Variants in PTPRM observed in about 807,000 individuals in gnomAD.
PTPRM encodes receptor-type tyrosine-protein phosphatase mu.
PTPRM carries 47 observed loss-of-function variants against 186.7 expected under a neutral mutation model. The observed-to-expected ratio is 0.25, with a 90% confidence interval of 0.20 to 0.32. PTPRM has a LOEUF of 0.32. PTPRM is among the 10% of genes least tolerant of loss of function. The pLI is 1.00. For missense variants in PTPRM, 1,494 were observed against 1,865.0 expected (o/e 0.80, Z 3.66); for synonymous variants, 668 against 674.9 (o/e 0.99, Z 0.16).
intron 2 of PTPRM, among the ~76,000 whole-genome samples, chr18:7,862,692 C>T (rs2047454532): frequency 6.6e-6 from 1 of 152,178 alleles, no homozygotes; most frequent in Admixed American, 6.5e-5. Context: ...GTGAATGGTG[C>T]TCCTATGATA....
intron 23 of PTPRM, among the ~76,000 whole-genome samples, chr18:8,345,820 C>T (rs911212282): frequency 1.3e-5 from 2 of 151,938 alleles, no homozygotes; most frequent in African/African-American, 4.8e-5. Context: ...AGGTGCCACA[C>T]ATAGATAGGA....
At position 8,406,269 on chromosome 18, in the gene PTPRM, T is replaced by G; in HGVS notation, c.*107T>G. On this transcript the variant is annotated 3_prime_UTR_variant, in exon 33 of 33. Coordinates refer to ENST00000580170, the MANE Select transcript of PTPRM (RefSeq NM_001105244.2). The stretch of plus-strand genomic sequence containing the variant: ...ACTTCTCAATATGCTTATTTTGCTT[T>G]GCATAATTGGCTCTTTTTAAGAGCC... The G allele has an allele frequency of 9.0e-7, 1 of 1,108,302 alleles. No homozygotes were observed. 68.7% of individuals were successfully genotyped at this position (1,108,302 alleles called of 1,614,324 possible).
chr18:8,041,890 T>A (rs2086717356), intron 7 of PTPRM, among the ~76,000 whole-genome samples: 1 of 152,236 alleles, frequency 6.6e-6, no homozygotes, highest in African/African-American at 2.4e-5. Flanking sequence ...TAGAACTCTC[T>A]AGAATTAGCT....
intron 7 of PTPRM, among the ~76,000 whole-genome samples, chr18:7,963,871 G>A (rs1170075582): frequency 2.6e-5 from 4 of 152,196 alleles, no homozygotes; most frequent in African/African-American, 9.7e-5. Flanking sequence ...CTGAGCACCA[G>A]CTACAGCTGT....
chr18:7,800,817 G>A (rs1265395058), intron 2 of PTPRM, among the ~76,000 whole-genome samples: 3 of 152,224 alleles, frequency 2.0e-5, no homozygotes, highest in African/African-American at 7.2e-5. Context: ...ATTGCTCCTG[G>A]GTTACAAACC....
rs575923827 is a variant in PTPRM at position 7,682,839 on chromosome 18, G to T, written c.74-91310G>T. Among the ~76,000 whole-genome samples the T allele has an allele frequency of 3.4e-4, 52 of 152,200 alleles. 2 individuals are homozygous for T. The Middle Eastern group carries it at 0.014, about 40-fold the overall frequency. On this transcript the variant is annotated intron_variant, in intron 1 of 32. Coordinates refer to ENST00000580170, the MANE Select transcript of PTPRM (RefSeq NM_001105244.2). The stretch of plus-strand genomic sequence containing the variant: ...TCTTTCCTCTCTGTCTTGGGCATTG[G>T]GGGGGTGCAAGTTATGCTGGCCAGA...
At chr18:7,955,056 A>G in intron 6 of PTPRM, 65 bp from the exon 7 acceptor site, 2 of 1,408,832 alleles carry the variant, frequency 1.4e-6, no homozygotes, top group East Asian at 2.3e-5. Context: ...TAATTGATGC[A>G]TGTTTAGCTC....
At chr18:8,296,570 C>T in intron 20 of PTPRM, 115 bp downstream of exon 20, 3 of 691,552 alleles carry the variant, frequency 4.3e-6, no homozygotes, top group Non-Finnish European at 5.1e-6. Flanking sequence ...CTTCATCCTT[C>T]TAGAACAGCT....
At chr18:7,992,926 G>A (rs2083336945) in intron 7 of PTPRM, among the ~76,000 whole-genome samples, 1 of 152,080 alleles carries the variant, frequency 6.6e-6, no homozygotes, top group Non-Finnish European at 1.5e-5. Context: ...GATGGCAGTA[G>A]TAGTAGTAGT....
intron 1 of PTPRM, among the ~76,000 whole-genome samples, chr18:7,610,383 T>C (rs999996294): frequency 2.0e-5 from 3 of 152,286 alleles, no homozygotes; most frequent in Non-Finnish European, 2.9e-5. Context: ...TTTTTTTTTT[T>C]CTAGTATTAA....
At chr18:7,745,565 A>G (rs1343101469) in intron 1 of PTPRM, among the ~76,000 whole-genome samples, 1 of 152,216 alleles carries the variant, frequency 6.6e-6, no homozygotes, top group Non-Finnish European at 1.5e-5. Context: ...TAGGGTGAAT[A>G]GGAAGTAGAC....
At chr18:8,162,089 G>A (rs562877833) in intron 14 of PTPRM, among the ~76,000 whole-genome samples, 3 of 151,076 alleles carry the variant, frequency 2.0e-5, no homozygotes, top group African/African-American at 4.9e-5. Flanking sequence ...GTTAAATTTT[G>A]TGGGGTTTTT....
intron 7 of PTPRM, among the ~76,000 whole-genome samples, chr18:8,029,034 C>G (rs1177976150): frequency 6.6e-6 from 1 of 152,238 alleles, no homozygotes; most frequent in Admixed American, 6.5e-5. Context: ...CTGGGCCTTC[C>G]CTATGCAATG....
chr18:7,919,735 G>A (rs953871581), intron 4 of PTPRM, among the ~76,000 whole-genome samples: 8 of 152,100 alleles, frequency 5.3e-5, no homozygotes, highest in Non-Finnish European at 7.4e-5. Flanking sequence ...ACTATTTGGT[G>A]TAGCGTGTAG....
chr18:7,868,977 C>G (rs968794286), intron 2 of PTPRM, among the ~76,000 whole-genome samples: 6 of 152,284 alleles, frequency 3.9e-5, no homozygotes, highest in Middle Eastern at 3.4e-3. Context: ...TTCGAACTTC[C>G]CAGTGTCTTT....
At chr18:7,883,349 T>A (rs2048601706) in intron 2 of PTPRM, among the ~76,000 whole-genome samples, 1 of 152,200 alleles carries the variant, frequency 6.6e-6, no homozygotes, top group African/African-American at 2.4e-5. Flanking sequence ...CATTCAGCCA[T>A]ATAGGGATAG....
rs573393746 is a variant in PTPRM, at chr18:8,257,645, G to A, written c.2754+4231G>A. On this transcript the variant is annotated intron_variant, in intron 19 of 32. Transcript: ENST00000580170. ...CTTGTTGAAGCAGTGAATTACTTCA[G>A]TACTGAAGCATCTTTGGGGATAAAA... 2.0e-5 allele frequency among the ~76,000 whole-genome samples: 3 copies of A among 152,308 alleles called. No individual in the cohort carries two copies. In the South Asian group the frequency reaches 6.2e-4, roughly 32 times the overall value.
At chr18:8,000,436 A>C (rs1040528470) in intron 7 of PTPRM, among the ~76,000 whole-genome samples, 1 of 152,206 alleles carries the variant, frequency 6.6e-6, no homozygotes, top group Non-Finnish European at 1.5e-5. Context: ...TGTGCCAATA[A>C]GTGAATATAT....
chr18:8,315,991 G>A (rs1015423966), intron 21 of PTPRM, among the ~76,000 whole-genome samples: 2 of 152,100 alleles, frequency 1.3e-5, no homozygotes, highest in African/African-American at 4.8e-5. Flanking sequence ...TCTTCATAAG[G>A]TGCATTGCAC....
Sources: gnomAD v4.1 joint callset for allele counts (sites outside exome capture counted in the v4.1 genomes callset) on GRCh38, gnomAD v4.1.1 for gene constraint, MANE v1.5 for transcripts, NCBI Gene and HGNC (gene_info 2026-07-23, HGNC 2026-07-21) for gene names.